Variants in ZCCHC7 observed in about 807,000 individuals in gnomAD.
ZCCHC7 encodes the protein zinc finger CCHC domain-containing protein 7.
In ZCCHC7, 35 loss-of-function variants were observed where a neutral mutation model predicts 52.0. That is an observed-to-expected ratio of 0.67 (90% confidence interval 0.51 to 0.89). The LOEUF (loss-of-function observed/expected upper bound fraction) is 0.89, where lower values mean the gene tolerates loss of function less well. Among genes scored for constraint, ZCCHC7 ranks in the 40% least tolerant of loss-of-function variants. The pLI is 0.00. For synonymous variants in ZCCHC7, 217 were observed against 221.5 expected, an observed-to-expected ratio of 0.98 and a Z score of 0.18; for missense variants, 574 against 649.1, an observed-to-expected ratio of 0.88 and a Z score of 1.26.
chr9:37,148,048 GTAT>G (rs1843516159), intron 2 of ZCCHC7, among the ~76,000 whole-genome samples: 1 of 152,156 alleles, frequency 6.6e-6, no homozygotes, highest in African/African-American at 2.4e-5. Flanking sequence ...GCATCTGTCA[GTAT>G]TATTGTTGTT....
At chr9:37,235,623 A>G (rs1184067604) in intron 2 of ZCCHC7, among the ~76,000 whole-genome samples, 1 of 135,474 alleles carries the variant, frequency 7.4e-6, no homozygotes, top group Non-Finnish European at 1.6e-5. Flanking sequence ...GACAAGTCTC[A>G]CTCTGTCGCC....
At chr9:37,278,034 G>GTGTGTGTGTTTTGTTTTGTTT (rs74182939) in intron 2 of ZCCHC7, among the ~76,000 whole-genome samples, 7 of 142,860 alleles carry the variant, frequency 4.9e-5, no homozygotes, top group African/African-American at 1.3e-4. Context: ...GTGTGTGTGT[G>GTGTGTGTGTTTTGTTTTGTTT]TGTTTTGTTT....
intron 2 of ZCCHC7, among the ~76,000 whole-genome samples, chr9:37,166,191 T>C (rs1367084558): frequency 2.0e-5 from 3 of 151,976 alleles, no homozygotes; most frequent in Admixed American, 2.0e-4. Flanking sequence ...GGTCAGGAGT[T>C]CGAGACCAGC....
intron 2 of ZCCHC7, among the ~76,000 whole-genome samples, chr9:37,127,510 T>C (rs1381956641): frequency 6.6e-6 from 1 of 152,234 alleles, no homozygotes; most frequent in Non-Finnish European, 1.5e-5. Flanking sequence ...CAAATTTTGA[T>C]AGCTACATCA....
At chr9:37,278,034 G>GTGTGTGTTT (rs74182939) in intron 2 of ZCCHC7, among the ~76,000 whole-genome samples, 1 of 142,860 alleles carries the variant, frequency 7.0e-6, no homozygotes, top group African/African-American at 2.6e-5. Flanking sequence ...GTGTGTGTGT[G>GTGTGTGTTT]TGTTTTGTTT....
chr9:37,234,347 T>C (rs1335372224), intron 2 of ZCCHC7, among the ~76,000 whole-genome samples: 1 of 152,246 alleles, frequency 6.6e-6, no homozygotes, highest in Non-Finnish European at 1.5e-5. Flanking sequence ...AAAATGGCTT[T>C]GGGTACTTTT....
At chr9:37,289,867 G>GAA (rs1828451462) in intron 2 of ZCCHC7, among the ~76,000 whole-genome samples, 1 of 152,152 alleles carries the variant, frequency 6.6e-6, no homozygotes, top group Non-Finnish European at 1.5e-5. Context: ...TTTGCCTTAA[G>GAA]AACTTTGCTT....
intron 6 of ZCCHC7, among the ~76,000 whole-genome samples, chr9:37,335,710 T>C (rs1830620087): frequency 6.6e-6 from 1 of 152,172 alleles, no homozygotes; most frequent in African/African-American, 2.4e-5. Context: ...CCTAACAATG[T>C]TTCCTTCTTA....
intron 2 of ZCCHC7, among the ~76,000 whole-genome samples, chr9:37,252,549 C>T (rs963069617): frequency 2.6e-5 from 4 of 152,134 alleles, no homozygotes; most frequent in African/African-American, 9.7e-5. Flanking sequence ...AAAATGTAAA[C>T]ACAGTAGTCT....
intron 2 of ZCCHC7, among the ~76,000 whole-genome samples, chr9:37,268,994 C>T (rs940824642): frequency 4.1e-4 from 62 of 152,152 alleles, no homozygotes; most frequent in African/African-American, 1.4e-3. Context: ...TTTATGGTGA[C>T]GTTTAAGCTG....
chr9:37,125,253 G>A (rs539705790), intron 1 of ZCCHC7, among the ~76,000 whole-genome samples: 16 of 152,178 alleles, frequency 1.1e-4, no homozygotes, highest in Non-Finnish European at 2.2e-4. Context: ...GAGCTCAAGC[G>A]GTTCTCCCAC....
chr9:37,212,915 T>A (rs1824316651), intron 2 of ZCCHC7, among the ~76,000 whole-genome samples: 1 of 152,136 alleles, frequency 6.6e-6, no homozygotes, highest in African/African-American at 2.4e-5. Context: ...GAGACATACC[T>A]TTTTCACTTT....
chr9:37,321,288 A>T (rs528375281), intron 5 of ZCCHC7, among the ~76,000 whole-genome samples: 3 of 151,430 alleles, frequency 2.0e-5, no homozygotes, highest in Non-Finnish European at 4.4e-5. Flanking sequence ...ACTCCCGGCC[A>T]CCTTTTTTTC....
At chr9:37,135,275 TAC>T (rs1842952650) in intron 2 of ZCCHC7, among the ~76,000 whole-genome samples, 1 of 152,246 alleles carries the variant, frequency 6.6e-6, no homozygotes, top group African/African-American at 2.4e-5. Context: ...ATGCACTTGT[TAC>T]AGTCTTAAAA....
intron 2 of ZCCHC7, among the ~76,000 whole-genome samples, chr9:37,280,686 CTTTTT>C (rs925072499): frequency 6.6e-6 from 1 of 151,048 alleles, no homozygotes; most frequent in South Asian, 2.1e-4. Context: ...ATTCATTAAA[CTTTTT>C]TTTGTTACTG....
At chr9:37,233,332 A>C in intron 2 of ZCCHC7, among the ~76,000 whole-genome samples, 1 of 152,196 alleles carries the variant, frequency 6.6e-6, no homozygotes, top group East Asian at 1.9e-4. Flanking sequence ...TCCTCAGCAA[A>C]TTTTAGGCAT....
chr9:37,309,695 G>C (rs1221418947), intron 5 of ZCCHC7, among the ~76,000 whole-genome samples: 1 of 152,146 alleles, frequency 6.6e-6, no homozygotes, highest in African/African-American at 2.4e-5. Flanking sequence ...GCCGAGGTAG[G>C]CAGATCACTT....
chr9:37,341,033 G>T (rs1820603135), intron 6 of ZCCHC7, among the ~76,000 whole-genome samples: 1 of 152,040 alleles, frequency 6.6e-6, no homozygotes, highest in Admixed American at 6.5e-5. Flanking sequence ...TCTTTCAGGG[G>T]CTAAATTTGA....
intron 2 of ZCCHC7, among the ~76,000 whole-genome samples, chr9:37,271,288 T>A (rs1827398216): frequency 6.6e-6 from 1 of 152,008 alleles, no homozygotes; most frequent in African/African-American, 2.4e-5. Context: ...ATCAGCAAAA[T>A]CCAGAATGTG....
Sources: gnomAD v4.1 joint callset for allele counts (sites outside exome capture counted in the v4.1 genomes callset) on GRCh38, gnomAD v4.1.1 for gene constraint, MANE v1.5 for transcripts, NCBI Gene and HGNC (gene_info 2026-07-23, HGNC 2026-07-21) for gene names.